Variants in PKP1 observed in about 807,000 individuals in gnomAD.
PKP1 encodes plakophilin 1.
Under a neutral mutation model 76.4 loss-of-function variants are expected in PKP1, and 27 were observed. The ratio of observed to expected loss-of-function variants is 0.35; its 90% CI spans 0.26 to 0.49. The LOEUF (loss-of-function observed/expected upper bound fraction) is 0.49. PKP1 is among the 20% of genes least tolerant of loss of function. The pLI is 0.99. For synonymous variants in PKP1, 404 were observed against 384.2 expected (o/e 1.05, Z -0.60); for missense variants, 964 against 955.2 (o/e 1.01, Z -0.12).
rs1470758958 is a variant in PKP1 at position 201,318,609 on chromosome 1, G to C, written c.1055-9G>C. The C allele has an allele frequency of 6.8e-6, 11 of 1,611,838 alleles. No homozygotes were observed. Among genetic ancestry groups the C allele is most frequent in the Non-Finnish European group, 8.5e-6 (10 of 1,179,788 alleles). ...GGCACAAATTGGGTTGATGGTCTCT[G>C]ACCCCCAGGGCTGCTCTGGAACCTG... On this transcript the variant is annotated splice_polypyrimidine_tract_variant and intron_variant, in intron 5 of 13. Coordinates refer to ENST00000367324, the MANE Select transcript of PKP1 (RefSeq NM_001005337.3).
intron 10 of PKP1, 120 bp downstream of exon 10, chr1:201,324,701 C>A: frequency 1.5e-6 from 2 of 1,332,728 alleles, no homozygotes; most frequent in Non-Finnish European, 1.1e-6. Context: ...AGAAAGGAAG[C>A]TGGCCAAAGA....
At chr1:201,313,058 C>A (rs1656607662) in intron 2 of PKP1, 108 bp from the exon 3 acceptor site, 1 of 1,173,146 alleles carries the variant, frequency 8.5e-7, no homozygotes. Context: ...TTCTGGGATT[C>A]TGTAAGCGTT....
rs553668177 is a variant in PKP1, at chr1:201,325,770, G to T, written c.2038G>T (p.Ala680Ser). The T allele has an allele frequency of 5.0e-6, 8 of 1,613,850 alleles. No homozygotes were observed. The highest frequency in any genetic ancestry group is 6.8e-6 in the Non-Finnish European group (8 of 1,179,768). The change falls in exon 12 of 14, where the codon GCA becomes TCA. Residue 680 changes from alanine to serine, a missense_variant. Physicochemically the swap from Ala to Ser is moderately conservative, Grantham distance 99. Transcript: ENST00000367324. ...LCRSSASPKA[A>S]EAARLLLSDM... ...CCTGCCCAGTGCCTCACCCAAGGCCGCAGAAGCTGCCCGGCTTCTCCTGTC... is the reference window on the plus strand; with the variant it reads ...CCTGCCCAGTGCCTCACCCAAGGCCTCAGAAGCTGCCCGGCTTCTCCTGTC...
rs1354181745 is a variant in PKP1, at chr1:201,324,937, C to T, written c.1835-4C>T. On this transcript the variant is annotated splice_polypyrimidine_tract_variant and splice_region_variant and intron_variant, in intron 10 of 13. Coordinates refer to ENST00000367324, the MANE Select transcript of PKP1 (RefSeq NM_001005337.3). ...CCCTGTGCCCCAACTCGTTCCTCTC[C>T]CAGGGAACCAGGTGTTCCCGGAGGT... 6.2e-7 allele frequency: 1 copy of T among 1,612,872 alleles called. No homozygotes were observed. Among genetic ancestry groups the T allele is most frequent in the Middle Eastern group, 1.7e-4 (1 of 5,844 alleles).
At chr1:201,289,688 GCACACACA>G (rs3057891) in intron 1 of PKP1, among the ~76,000 whole-genome samples, 31,350 of 144,922 alleles carry the variant, frequency 0.22, 3,775 homozygotes, top group Middle Eastern at 0.31. Context: ...TGGGAGGAGT[GCACACACA>G]CACACACACA....
chr1:201,328,740 G>A lies in PKP1; in HGVS notation c.2107-22G>A, dbSNP rs761653438. 4 of 1,611,436 alleles carry A rather than the reference G, an allele frequency of 2.5e-6. No individual in the cohort carries two copies. The African/African-American group carries it at 5.3e-5, about 22-fold the overall frequency. On this transcript the variant is annotated intron_variant, in intron 12 of 13. Coordinates refer to ENST00000367324, the MANE Select transcript of PKP1 (RefSeq NM_001005337.3). ...GCCCCACACAGTTTTGTGTCATTTG[G>A]TTGCTGTTTCTCCCTTTGCAGCAAG...
intron 4 of PKP1, among the ~76,000 whole-genome samples, chr1:201,317,076 C>T (rs114805458): frequency 0.012 from 1,902 of 152,220 alleles, 23 homozygotes; most frequent in Non-Finnish European, 0.021. Flanking sequence ...AGGCATCTTA[C>T]GGTAGAAAAC....
rs111714303 is a variant in PKP1, at chr1:201,301,087, C to T, written c.306+7042C>T. ...ACAATGCTCCTCAGGGCCGAGTGAGCACGCTGGCCCCTCCATCCTCCTGCC... is the reference window on the plus strand; with the variant it reads ...ACAATGCTCCTCAGGGCCGAGTGAGTACGCTGGCCCCTCCATCCTCCTGCC... On this transcript the variant is annotated intron_variant, in intron 2 of 13. Coordinates refer to ENST00000367324, the MANE Select transcript of PKP1 (RefSeq NM_001005337.3). Among the ~76,000 whole-genome samples, 957 of 152,316 alleles carry T rather than the reference C, an allele frequency of 6.3e-3. 12 individuals carry two copies. Among genetic ancestry groups the T allele is most frequent in the African/African-American group, 0.022 (905 of 41,566 alleles).
chr1:201,286,801 G>A (rs1655753010), intron 1 of PKP1, among the ~76,000 whole-genome samples: 1 of 152,172 alleles, frequency 6.6e-6, no homozygotes, highest in South Asian at 2.1e-4. Context: ...GGAAGGCAAG[G>A]GGAAACTGAG....
intron 2 of PKP1, among the ~76,000 whole-genome samples, chr1:201,305,349 C>T (rs1305218632): frequency 6.6e-6 from 1 of 152,162 alleles, no homozygotes; most frequent in East Asian, 1.9e-4. Flanking sequence ...GGGACCCTGT[C>T]TCATAAAACA....
chr1:201,313,166 A>C lies in PKP1; in HGVS notation c.307A>C (p.Ile103Leu). 2 of 1,610,036 alleles carry C rather than the reference A, an allele frequency of 1.2e-6. No homozygotes were observed. The highest frequency in any genetic ancestry group is 1.7e-6 in the Non-Finnish European group (2 of 1,178,696). The stretch of plus-strand genomic sequence containing the variant: ...AGCTTTTCTCCCTTTCCCTGGCCAG[A>C]TCTACAATGGAACCCTCAAGCGGGA... ...QAGNGSWGYPIYNGTLKREPD... is the reference protein window; with the variant it reads ...QAGNGSWGYPLYNGTLKREPD... Residue 103 changes from isoleucine (I) to leucine (L), a missense_variant and splice_region_variant, in exon 3 of 14, where the codon ATC becomes CTC. Physicochemically the swap from Ile to Leu is conservative, Grantham distance 5 (BLOSUM62 2). Coordinates refer to ENST00000367324, the MANE Select transcript of PKP1 (RefSeq NM_001005337.3).
In PKP1 at chr1:201,319,620, C is replaced by T. The variant is rs186802106; in HGVS notation, c.1233-647C>T. Reference sequence around the variant, plus strand: ...TATGGGGTTGATGTGCTACTGGTAGCAACAGCAGCCACACCCCACCTGCAC... The same window carrying T: ...TATGGGGTTGATGTGCTACTGGTAGTAACAGCAGCCACACCCCACCTGCAC... On this transcript the variant is annotated intron_variant, in intron 6 of 13. Transcript: ENST00000367324. Among the ~76,000 whole-genome samples the T allele has an allele frequency of 3.1e-3, 477 of 152,300 alleles. 1 individual carries two copies. The highest frequency in any genetic ancestry group is 0.011 in the African/African-American group (452 of 41,554).
At chr1:201,305,001 G>C (rs1464354374) in intron 2 of PKP1, among the ~76,000 whole-genome samples, 1 of 152,246 alleles carries the variant, frequency 6.6e-6, no homozygotes, top group East Asian at 1.9e-4. Flanking sequence ...TGCCACACCA[G>C]TGATGGTGTT....
intron 12 of PKP1, among the ~76,000 whole-genome samples, 153 bp downstream of exon 12, chr1:201,325,991 T>G (rs1369004259): frequency 6.6e-6 from 1 of 152,088 alleles, no homozygotes; most frequent in African/African-American, 2.4e-5. Flanking sequence ...TGAAAATGAA[T>G]GTGATGAACG....
chr1:201,293,060 A>G (rs1162887816), intron 1 of PKP1, among the ~76,000 whole-genome samples: 2 of 152,118 alleles, frequency 1.3e-5, no homozygotes, highest in Non-Finnish European at 2.9e-5. Context: ...GTGGCCAAGG[A>G]GGGAAGGCAG....
intron 1 of PKP1, among the ~76,000 whole-genome samples, chr1:201,289,187 C>T (rs1158538678): frequency 6.6e-6 from 1 of 152,204 alleles, no homozygotes; most frequent in Non-Finnish European, 1.5e-5. Flanking sequence ...CTCCGAAACA[C>T]CTCTGAGGGT....
intron 13 of PKP1, among the ~76,000 whole-genome samples, chr1:201,329,580 G>T (rs748383230): frequency 1.3e-5 from 2 of 152,198 alleles, no homozygotes; most frequent in Non-Finnish European, 2.9e-5. Context: ...GGCCTCAGGG[G>T]CAGCCCAGCA....
At chr1:201,303,941 C>A (rs1429653496) in intron 2 of PKP1, among the ~76,000 whole-genome samples, 1 of 152,210 alleles carries the variant, frequency 6.6e-6, no homozygotes, top group Non-Finnish European at 1.5e-5. Flanking sequence ...ACCGAGGTGA[C>A]CTGCCCCACG....
At chr1:201,328,696 GTGTC>G in intron 12 of PKP1, 62 bp from the exon 13 acceptor site, 1 of 1,429,864 alleles carries the variant, frequency 7.0e-7, no homozygotes, top group Non-Finnish European at 9.9e-7. Flanking sequence ...GCAGTGGACA[GTGTC>G]TGACCCCACA....
Sources: allele counts gnomAD v4.1 joint callset (sites outside exome capture counted in the v4.1 genomes callset), GRCh38; gene constraint gnomAD v4.1.1; transcripts MANE v1.5; gene names NCBI Gene and HGNC (gene_info 2026-07-23, HGNC 2026-07-21).